Variants in CCNB3 observed in about 807,000 individuals in gnomAD.
CCNB3 encodes G2/mitotic-specific cyclin-B3.
Under a neutral mutation model 68.0 loss-of-function variants are expected in CCNB3, and 12 were observed. The observed-to-expected ratio is 0.18, with a 90% CI of 0.11 to 0.29. CCNB3 has a LOEUF of 0.29. Ranked by LOEUF, CCNB3 falls within the 10% of genes least tolerant of loss-of-function variation. The pLI, the probability that CCNB3 is intolerant of heterozygous loss-of-function variation, is 1.00. For missense variants in CCNB3, 904 were observed against 993.1 expected, an observed-to-expected ratio of 0.91 and a Z score of 1.21; for synonymous variants, 354 against 388.9, an observed-to-expected ratio of 0.91 and a Z score of 1.06.
intron 1 of CCNB3, among the ~76,000 whole-genome samples, chrX:50,281,994 A>T (rs974485497): frequency 9.0e-6 from 1 of 111,456 alleles, no homozygotes; most frequent in African/African-American, 3.3e-5. Flanking sequence ...GTAGAAGATC[A>T]GGTAGAAGGG....
At chrX:50,228,624 A>T (rs910842202) in intron 1 of CCNB3, among the ~76,000 whole-genome samples, 1 of 84,955 alleles carries the variant, frequency 1.2e-5, no homozygotes, top group Non-Finnish European at 2.2e-5. Flanking sequence ...TAGAATATAT[A>T]TAGAATATAC....
chrX:50,311,154 C>G lies in CCNB3; in HGVS notation c.2985C>G (p.Thr995=). 8.3e-7 allele frequency: 1 copy of G among 1,207,889 alleles called. No individual in the cohort carries two copies. Among genetic ancestry groups the G allele is most frequent in the Non-Finnish European group, 1.1e-6 (1 of 894,692 alleles). The change falls in exon 6 of 13, where the codon ACC becomes ACG. Residue 995 remains threonine, a synonymous_variant. Coordinates refer to ENST00000376042, the MANE Select transcript of CCNB3 (RefSeq NM_033031.3). ...ITSKSSIATM[T]SVGKSGTINE... ...GCAAGTCCAGCATTGCTACCATGAC[C>G]AGTGTGGGCAAATCTGGTACCATCA...
chrX:50,226,247 A>AATATATATATTTATATATATAG (rs1935780659), intron 1 of CCNB3, among the ~76,000 whole-genome samples: 2 of 68,049 alleles, frequency 2.9e-5, no homozygotes, highest in South Asian at 8.4e-4. Context: ...ATATATATAG[A>AATATATATATTTATATATATAG]ATATATATAT....
At chrX:50,212,274 A>G (rs1324857218) in intron 1 of CCNB3, among the ~76,000 whole-genome samples, 2 of 111,832 alleles carry the variant, frequency 1.8e-5, no homozygotes, top group Non-Finnish European at 3.8e-5. Context: ...AACGATATTT[A>G]CATAATTGAA....
chrX:50,342,598 T>G (rs1039706879), intron 9 of CCNB3, among the ~76,000 whole-genome samples: 5 of 110,774 alleles, frequency 4.5e-5, no homozygotes, highest in African/African-American at 1.6e-4. Context: ...AACAAACCTA[T>G]TGCACTGCAA....
At chrX:50,327,813 T>C (rs1386229933) in intron 8 of CCNB3, among the ~76,000 whole-genome samples, 2 of 111,989 alleles carry the variant, frequency 1.8e-5, no homozygotes, top group Non-Finnish European at 3.8e-5. Context: ...TGTACATATG[T>C]TACCTTATCT....
intron 1 of CCNB3, among the ~76,000 whole-genome samples, chrX:50,218,597 C>A (rs1400198045): frequency 8.9e-6 from 1 of 111,745 alleles, no homozygotes; most frequent in Non-Finnish European, 1.9e-5. Flanking sequence ...CATGTCCCTG[C>A]AAAGGACATG....
chrX:50,217,751 T>C (rs1364002509), intron 1 of CCNB3, among the ~76,000 whole-genome samples: 1 of 112,090 alleles, frequency 8.9e-6, no homozygotes, highest in East Asian at 2.8e-4. Flanking sequence ...CATTACCCTC[T>C]TGCTGCCTTC....
rs1921341861 is a variant in CCNB3, at chrX:50,310,149, C to T, written c.1980C>T (p.Ala660=). The change falls in exon 6 of 13, where the codon GCC becomes GCT. Residue 660 remains alanine (A), a synonymous_variant. Transcript: ENST00000376042. The stretch of plus-strand genomic sequence containing the variant: ...TGTCCCTCTCAAAAGAGTCATTGGC[C>T]ATCCAAGAGAAGGCTACCACTGAGG... ...QEVSLSKESL[A]IQEKATTEEE... is the part of the protein sequence containing the mutation. 8.3e-7 allele frequency: 1 copy of T among 1,208,909 alleles called. No individual in the cohort carries two copies. The highest frequency in any genetic ancestry group is 1.8e-5 in the South Asian group (1 of 56,582).
At chrX:50,342,891 G>A (rs1279532629) in intron 9 of CCNB3, among the ~76,000 whole-genome samples, 1 of 110,352 alleles carries the variant, frequency 9.1e-6, no homozygotes, top group Non-Finnish European at 1.9e-5. Flanking sequence ...AAATTTTTTT[G>A]TAGGGGTGGG....
intron 1 of CCNB3, among the ~76,000 whole-genome samples, chrX:50,220,882 G>A (rs982112657): frequency 0.023 from 2,599 of 111,365 alleles, 64 homozygotes; most frequent in African/African-American, 0.081. Context: ...GGTAGAATGC[G>A]GTTGTGAATC....
chrX:50,284,960 G>T (rs1936208280), intron 2 of CCNB3, among the ~76,000 whole-genome samples, 167 bp from the exon 3 acceptor site: 1 of 111,776 alleles, frequency 8.9e-6, no homozygotes, highest in Non-Finnish European at 1.9e-5. Context: ...TCAGTCACTT[G>T]CCTGAGGTTA....
chrX:50,305,933 C>T (rs1921044872), intron 5 of CCNB3, among the ~76,000 whole-genome samples: 1 of 102,370 alleles, frequency 9.8e-6, no homozygotes, highest in East Asian at 3.0e-4. Context: ...GTGTGGCCAC[C>T]ACACCAGCTT....
In CCNB3 at chrX:50,294,889, C is replaced by T. The variant is rs1936422414; in HGVS notation, c.231C>T (p.Pro77=). The change falls in exon 5 of 13, where the codon CCC becomes CCT. Residue 77 remains proline (P), a synonymous_variant. Transcript: ENST00000376042. ...CTTCTCAATGTCAACCTGTCCAGCC[C>T]AAGAAAGAAGCCAATAAAGAGTTTG... ...TNASQCQPVQ[P]KKEANKEFVK... is the part of the protein sequence containing the mutation. The T allele has an allele frequency of 8.3e-7, 1 of 1,208,820 alleles. No homozygotes were observed.
At chrX:50,295,128 G>T in intron 5 of CCNB3, 135 bp downstream of exon 5, 3 of 592,701 alleles carry the variant, frequency 5.1e-6, no homozygotes, top group Non-Finnish European at 7.5e-6. Flanking sequence ...GGTGGGCTCA[G>T]CTGTGGTTGC....
At chrX:50,228,167 CATAT>C (rs1205513685) in intron 1 of CCNB3, among the ~76,000 whole-genome samples, 7 of 88,980 alleles carry the variant, frequency 7.9e-5, no homozygotes, top group Non-Finnish European at 1.5e-4. Context: ...ACATAGAATG[CATAT>C]ATAAATACAT....
chrX:50,330,084 G>A (rs1240630236), intron 8 of CCNB3, among the ~76,000 whole-genome samples: 1 of 111,420 alleles, frequency 9.0e-6, no homozygotes, highest in African/African-American at 3.3e-5. Context: ...AGCATCAGTG[G>A]ACTCAGGTGT....
intron 1 of CCNB3, among the ~76,000 whole-genome samples, chrX:50,283,418 T>C (rs1254000983): frequency 8.9e-6 from 1 of 111,911 alleles, no homozygotes; most frequent in African/African-American, 3.2e-5. Context: ...GAATTGTACC[T>C]GCCTTGCTTA....
At chrX:50,280,814 C>T (rs1039128640) in intron 1 of CCNB3, among the ~76,000 whole-genome samples, 1 of 110,863 alleles carries the variant, frequency 9.0e-6, no homozygotes, top group Non-Finnish European at 1.9e-5. Flanking sequence ...GGCTGGAGAG[C>T]AGTGGCACAA....
Sources: gnomAD v4.1 joint callset for allele counts (sites outside exome capture counted in the v4.1 genomes callset) on GRCh38, gnomAD v4.1.1 for gene constraint, MANE v1.5 for transcripts, NCBI Gene and HGNC (gene_info 2026-07-23, HGNC 2026-07-21) for gene names.